ATP6V1H: variants seen among roughly 807,000 people sequenced by gnomAD.
ATP6V1H encodes V-type proton ATPase subunit H.
ATP6V1H carries 39 observed loss-of-function variants against 71.7 expected under a neutral mutation model. The ratio of observed to expected loss-of-function variants is 0.54; its 90% confidence interval spans 0.42 to 0.71. ATP6V1H has a LOEUF of 0.71. Among genes scored for constraint, ATP6V1H ranks in the 30% least tolerant of loss-of-function variants. ATP6V1H has a pLI of 0.00. For synonymous variants in ATP6V1H, 192 were observed against 199.3 expected (o/e 0.96, Z 0.31); for missense variants, 509 against 594.9 (o/e 0.86, Z 1.50).
At chr8:53,815,140 A>G (rs1480857322) in intron 5 of ATP6V1H, among the ~76,000 whole-genome samples, 2 of 152,148 alleles carry the variant, frequency 1.3e-5, no homozygotes, top group African/African-American at 4.8e-5. Flanking sequence ...AATCTCTTCA[A>G]CAAACTGCCA....
At chr8:53,745,409 C>A (rs1290442615) in intron 12 of ATP6V1H, among the ~76,000 whole-genome samples, 2 of 151,078 alleles carry the variant, frequency 1.3e-5, no homozygotes, top group African/African-American at 4.9e-5. Context: ...TAAAAAAAAA[C>A]AAATAAAAAT....
chr8:53,814,678 G>C lies in ATP6V1H; in HGVS notation c.509C>G (p.Thr170Ser), dbSNP rs762117585. ...TTCTTTTACCTGTGAACTCAGCTGA[G>C]TTTTTATCCAATTGAAATAGTAATT... ...DLNYYFNWIK[T>S]QLSSQKLRGS... The change falls in exon 6 of 14, where the codon ACT (threonine) becomes AGT (serine). Residue 170 changes from threonine (T) to serine (S), a missense_variant. By Grantham distance (58) the Thr-to-Ser change is moderately conservative. Coordinates refer to ENST00000359530, the MANE Select transcript of ATP6V1H (RefSeq NM_015941.4). 5 of 1,609,244 alleles carry C rather than the reference G, an allele frequency of 3.1e-6. No individual in the cohort carries two copies.
At chr8:53,835,079 C>T (rs1811116185) in intron 2 of ATP6V1H, among the ~76,000 whole-genome samples, 1 of 152,066 alleles carries the variant, frequency 6.6e-6, no homozygotes, top group Admixed American at 6.5e-5. Context: ...ACCCAGGAGG[C>T]AGAAGTTGCA....
At chr8:53,826,938 C>T (rs767596953) in intron 4 of ATP6V1H, among the ~76,000 whole-genome samples, 7 of 147,568 alleles carry the variant, frequency 4.7e-5, no homozygotes, top group Non-Finnish European at 8.9e-5. Context: ...GAGGACAGAA[C>T]GGAATTCTGT....
At chr8:53,802,614 G>C (rs1372636520) in intron 7 of ATP6V1H, among the ~76,000 whole-genome samples, 1 of 152,158 alleles carries the variant, frequency 6.6e-6, no homozygotes, top group African/African-American at 2.4e-5. Context: ...CAGCTACTTG[G>C]GAGGCTGAGG....
chr8:53,786,607 T>C (rs1225218386), intron 9 of ATP6V1H, among the ~76,000 whole-genome samples: 2 of 152,228 alleles, frequency 1.3e-5, no homozygotes, highest in Non-Finnish European at 2.9e-5. Context: ...ACCCGTCTTC[T>C]GTGTCACTCA....
intron 12 of ATP6V1H, among the ~76,000 whole-genome samples, chr8:53,746,098 C>T (rs945639368): frequency 1.4e-4 from 21 of 152,178 alleles, no homozygotes; most frequent in African/African-American, 4.8e-4. Context: ...CTTTCCCCCA[C>T]GTTGGGCACT....
intron 13 of ATP6V1H, among the ~76,000 whole-genome samples, chr8:53,718,384 ATTTT>A (rs35145366): frequency 2.5e-5 from 3 of 121,792 alleles, no homozygotes; most frequent in Admixed American, 8.6e-5. Flanking sequence ...CTCCTACACA[ATTTT>A]TTTTTTTTTT....
At chr8:53,833,224 C>T in intron 2 of ATP6V1H, 138 bp from the exon 3 acceptor site, 1 of 609,928 alleles carries the variant, frequency 1.6e-6, no homozygotes, top group Non-Finnish European at 2.9e-6. Flanking sequence ...ATCAGACAGA[C>T]CTGGATTCAA....
chr8:53,806,896 A>T (rs897048112), intron 7 of ATP6V1H: 47 of 452,222 alleles, frequency 1.0e-4, no homozygotes, highest in Non-Finnish European at 1.6e-4. Flanking sequence ...TGGATACTTC[A>T]TGTACTATTT....
chr8:53,835,290 C>T (rs573507760), intron 2 of ATP6V1H, among the ~76,000 whole-genome samples: 1 of 152,296 alleles, frequency 6.6e-6, no homozygotes, highest in Admixed American at 6.5e-5. Context: ...CCAGGGATAG[C>T]ATGAAGGGCT....
chr8:53,767,639 A>C (rs1808517215), intron 11 of ATP6V1H, among the ~76,000 whole-genome samples: 1 of 152,214 alleles, frequency 6.6e-6, no homozygotes, highest in Non-Finnish European at 1.5e-5. Flanking sequence ...CTTACTGACC[A>C]ACAGAGAGTT....
chr8:53,769,523 C>A, intron 11 of ATP6V1H, 95 bp downstream of exon 11: 2 of 1,259,222 alleles, frequency 1.6e-6, no homozygotes, highest in Non-Finnish European at 2.2e-6. Context: ...AAATTAAAAC[C>A]ATAGAATATC....
intron 9 of ATP6V1H, among the ~76,000 whole-genome samples, chr8:53,782,090 A>G (rs575754293): frequency 6.6e-5 from 10 of 152,358 alleles, no homozygotes; most frequent in Admixed American, 5.9e-4. Context: ...AGTCATTGGT[A>G]GCTTGATGGG....
At chr8:53,829,684 T>C (rs1810942559) in intron 3 of ATP6V1H, 151 bp from the exon 4 acceptor site, 1 of 545,966 alleles carries the variant, frequency 1.8e-6, no homozygotes, top group Middle Eastern at 3.2e-4. Flanking sequence ...TTTATAAATA[T>C]TGTGATGAAG....
chr8:53,791,949 A>G (rs993006335), intron 9 of ATP6V1H, among the ~76,000 whole-genome samples: 4 of 152,262 alleles, frequency 2.6e-5, no homozygotes, highest in African/African-American at 9.6e-5. Flanking sequence ...AGAGATTGGC[A>G]AAAGACTCCA....
In ATP6V1H at chr8:53,817,598, C is replaced by T. The variant is rs961955950; in HGVS notation, c.307-68G>A. On this transcript the variant is annotated intron_variant, in intron 4 of 13. Coordinates refer to ENST00000359530, the MANE Select transcript of ATP6V1H (RefSeq NM_015941.4). ...TGCTAAAGAATGTAACGACTGTGCA[C>T]CACTTCTCAACCTCCCATCAGTCTG... 3.1e-6 allele frequency: 3 copies of T among 954,506 alleles called. No homozygotes were observed. The African/African-American group carries it at 4.9e-5, about 16-fold the overall frequency. 59.1% of individuals were successfully genotyped at this position (954,506 alleles called of 1,614,324 possible).
At chr8:53,788,115 T>G (rs551815292) in intron 9 of ATP6V1H, among the ~76,000 whole-genome samples, 1 of 152,210 alleles carries the variant, frequency 6.6e-6, no homozygotes, top group Non-Finnish European at 1.5e-5. Context: ...TCTTTATCAA[T>G]GGCTCAATTT....
At position 53,808,426 on chromosome 8, in the gene ATP6V1H, G is replaced by A. The variant is rs1017710551; in HGVS notation, c.579+2738C>T. Among the ~76,000 whole-genome samples, 5 of 152,280 alleles carry A rather than the reference G, an allele frequency of 3.3e-5. No individual in the cohort carries two copies. In the South Asian group the frequency reaches 1.0e-3, roughly 32 times the overall value. ...ATGTCTATTTTCACAATTAGGAGAA[G>A]ACAAATAATGCACTTTAAGGAAATT... On this transcript the variant is annotated intron_variant, in intron 7 of 13. Coordinates refer to ENST00000359530, the MANE Select transcript of ATP6V1H (RefSeq NM_015941.4).
Sources: allele counts gnomAD v4.1 joint callset (sites outside exome capture counted in the v4.1 genomes callset), GRCh38; gene constraint gnomAD v4.1.1; transcripts MANE v1.5; gene names NCBI Gene and HGNC (gene_info 2026-07-23, HGNC 2026-07-21).